The following PDZD2 variants were observed in gnomAD, a reference collection of about 807,000 sequenced individuals.
PDZD2 encodes the protein PDZ domain-containing protein 2.
Under a neutral mutation model 220.7 loss-of-function variants are expected in PDZD2, and 90 were observed. The observed-to-expected ratio is 0.41, with a 90% CI of 0.34 to 0.49. The LOEUF (loss-of-function observed/expected upper bound fraction) is 0.49. PDZD2 is among the 20% of genes least tolerant of loss of function. PDZD2 has a pLI of 0.28. For missense variants in PDZD2, 3,174 were observed against 3,608.5 expected, an observed-to-expected ratio of 0.88 and a Z score of 3.08; for synonymous variants, 1,375 against 1,450.5, an observed-to-expected ratio of 0.95 and a Z score of 1.18.
At chr5:32,005,972 C>A (rs10038318) in intron 5 of PDZD2, among the ~76,000 whole-genome samples, 3,903 of 152,046 alleles carry the variant, frequency 0.026, 160 homozygotes, top group African/African-American at 0.09. Context: ...CATGGTGAAA[C>A]CCTGTCTCTA....
At chr5:32,104,837 G>A (rs1421598102) in intron 24 of PDZD2, among the ~76,000 whole-genome samples, 1 of 151,424 alleles carries the variant, frequency 6.6e-6, no homozygotes, top group Non-Finnish European at 1.5e-5. Context: ...ATAAACAAAG[G>A]GTTGATATCC....
intron 2 of PDZD2, among the ~76,000 whole-genome samples, chr5:31,826,803 A>G (rs1168580612): frequency 6.6e-6 from 1 of 152,162 alleles, no homozygotes; most frequent in Non-Finnish European, 1.5e-5. Flanking sequence ...TTCTTACAAC[A>G]TCCCTATGAG....
chr5:31,984,752 T>C (rs986511062), intron 3 of PDZD2, among the ~76,000 whole-genome samples: 4 of 152,088 alleles, frequency 2.6e-5, no homozygotes, highest in Non-Finnish European at 4.4e-5. Flanking sequence ...CGCTTGAGTC[T>C]GGGAGGTGGA....
chr5:31,826,897 C>T (rs1416319686), intron 2 of PDZD2, among the ~76,000 whole-genome samples: 2 of 152,080 alleles, frequency 1.3e-5, no homozygotes, highest in African/African-American at 4.8e-5. Context: ...TATTAAGAGA[C>T]AGAGCCTGGA....
chr5:31,806,099 A>G (rs1754697012), intron 2 of PDZD2, among the ~76,000 whole-genome samples: 1 of 152,048 alleles, frequency 6.6e-6, no homozygotes, highest in Non-Finnish European at 1.5e-5. Context: ...TACAGGTGAC[A>G]TTTTGTCCCT....
intron 2 of PDZD2, among the ~76,000 whole-genome samples, chr5:31,926,221 T>TAA (rs201595332): frequency 0.12 from 17,402 of 143,654 alleles, 1,988 homozygotes; most frequent in African/African-American, 0.31. Context: ...CCCTGTCACT[T>TAA]AAAAAAAAAA....
At chr5:31,829,298 G>A (rs1377071681) in intron 2 of PDZD2, among the ~76,000 whole-genome samples, 3 of 151,132 alleles carry the variant, frequency 2.0e-5, no homozygotes, top group East Asian at 3.9e-4. Context: ...TACGATATAC[G>A]TAAAGGCACA....
At chr5:31,769,988 C>T (rs1752247747) in intron 1 of PDZD2, among the ~76,000 whole-genome samples, 1 of 152,212 alleles carries the variant, frequency 6.6e-6, no homozygotes, top group Non-Finnish European at 1.5e-5. Flanking sequence ...TCGGTCATCT[C>T]ACCAACACTT....
At chr5:32,019,759 A>C (rs948608243) in intron 6 of PDZD2, among the ~76,000 whole-genome samples, 2 of 152,196 alleles carry the variant, frequency 1.3e-5, no homozygotes, top group African/African-American at 2.4e-5. Context: ...TTTCAATGAA[A>C]ATAAAATATG....
intron 1 of PDZD2, among the ~76,000 whole-genome samples, chr5:31,648,910 A>G (rs1024354328): frequency 2.0e-5 from 3 of 152,164 alleles, no homozygotes; most frequent in African/African-American, 7.2e-5. Flanking sequence ...GGATAAATGT[A>G]TAATGTCATG....
chr5:31,905,131 G>A lies in PDZD2; in HGVS notation c.477-78024G>A, dbSNP rs1258350711. 2.0e-5 allele frequency among the ~76,000 whole-genome samples: 3 copies of A among 152,032 alleles called. No individual in the cohort carries two copies. In the East Asian group the frequency reaches 5.8e-4, roughly 29 times the overall value. On this transcript the variant is annotated intron_variant, in intron 2 of 24. Coordinates refer to ENST00000438447, the MANE Select transcript of PDZD2 (RefSeq NM_178140.4). ...TTACAGGCACTCACCACCACGCCCG[G>A]CTAATTTTTTGTATTTTTTTTTCTT...
intron 3 of PDZD2, among the ~76,000 whole-genome samples, chr5:31,989,616 G>T (rs1304596827): frequency 1.3e-5 from 2 of 151,910 alleles, no homozygotes; most frequent in East Asian, 1.9e-4. Flanking sequence ...TAGAGAGGGG[G>T]TTTTACCATG....
chr5:32,091,820 T>C (rs1409273836), intron 20 of PDZD2, among the ~76,000 whole-genome samples: 1 of 152,158 alleles, frequency 6.6e-6, no homozygotes, highest in Non-Finnish European at 1.5e-5. Context: ...GGAAACATGT[T>C]TACCAAAGTG....
chr5:32,020,218 T>G (rs925311192), intron 6 of PDZD2, among the ~76,000 whole-genome samples: 1 of 152,158 alleles, frequency 6.6e-6, no homozygotes. Flanking sequence ...TTGACCAAGC[T>G]GGTCTCAAAC....
chr5:31,784,301 C>T (rs1298695511), intron 1 of PDZD2, among the ~76,000 whole-genome samples: 2 of 152,182 alleles, frequency 1.3e-5, no homozygotes, highest in African/African-American at 2.4e-5. Flanking sequence ...GTCCCTTCTT[C>T]GCAGCCCCGA....
At position 32,030,098 on chromosome 5, in the gene PDZD2, G is replaced by A. The variant is rs144566175; in HGVS notation, c.1408-7133G>A. ...ACATAAAAGTAAAGGGCTTCATGGC[G>A]TGCTGCATTGGGTGTAGATGGTGCC... is the stretch of plus-strand genomic sequence containing the variant. On this transcript the variant is annotated intron_variant, in intron 6 of 24. Coordinates refer to ENST00000438447, the MANE Select transcript of PDZD2 (RefSeq NM_178140.4). 1.9e-3 allele frequency among the ~76,000 whole-genome samples: 293 copies of A among 152,342 alleles called. 4 individuals carry two copies. In the East Asian group the frequency reaches 0.02, roughly 10 times the overall value.
chr5:31,926,221 T>TAAAA (rs201595332), intron 2 of PDZD2, among the ~76,000 whole-genome samples: 16 of 143,704 alleles, frequency 1.1e-4, no homozygotes, highest in Non-Finnish European at 2.1e-4. Context: ...CCCTGTCACT[T>TAAAA]AAAAAAAAAA....
chr5:32,085,898 G>A (rs943003955), intron 19 of PDZD2, among the ~76,000 whole-genome samples: 1 of 150,406 alleles, frequency 6.6e-6, no homozygotes, highest in Non-Finnish European at 1.5e-5. Context: ...TTGGAATTTT[G>A]GTAGGAATTG....
intron 6 of PDZD2, among the ~76,000 whole-genome samples, chr5:32,012,459 C>T (rs1187070145): frequency 1.3e-5 from 2 of 152,138 alleles, no homozygotes; most frequent in Non-Finnish European, 2.9e-5. Context: ...TCTTGGCTTG[C>T]TGCAACCTCT....
Sources: allele counts gnomAD v4.1 joint callset (sites outside exome capture counted in the v4.1 genomes callset), GRCh38; gene constraint gnomAD v4.1.1; transcripts MANE v1.5; gene names NCBI Gene and HGNC (gene_info 2026-07-23, HGNC 2026-07-21).